GPR75: variants seen among roughly 807,000 people sequenced by gnomAD.
GPR75 encodes the protein probable G protein-coupled receptor 75.
GPR75 carries 27 observed loss-of-function variants against 26.0 expected under a neutral mutation model. The observed-to-expected ratio is 1.04, with a 90% CI of 0.77 to 1.43. The LOEUF (loss-of-function observed/expected upper bound fraction) is 1.43, where lower values mean the gene tolerates loss of function less well. Ranked by LOEUF, GPR75 falls within the 40% of genes most tolerant of loss-of-function variation. The pLI is 0.00. For synonymous variants in GPR75, 285 were observed against 256.3 expected, an observed-to-expected ratio of 1.11 and a Z score of -1.07; for missense variants, 699 against 662.3, an observed-to-expected ratio of 1.06 and a Z score of -0.61.
intron 1 of GPR75, among the ~76,000 whole-genome samples, chr2:53,857,271 A>C (rs1678257057): frequency 6.6e-6 from 1 of 152,144 alleles, no homozygotes; most frequent in Admixed American, 6.5e-5. Flanking sequence ...CCGGCCGAGA[A>C]AGACAATTTT....
chr2:53,858,402 GACACACACACACAC>G (rs61090357), intron 1 of GPR75, among the ~76,000 whole-genome samples: 25 of 145,036 alleles, frequency 1.7e-4, no homozygotes, highest in East Asian at 4.0e-4. Flanking sequence ...GATACAGATA[GACACACACACACAC>G]ACACACACAC....
rs34000641 is a variant in GPR75, at chr2:53,854,411, C to T, written c.346G>A (p.Ala116Thr). The change falls in exon 2 of 2, where the codon GCT (alanine) becomes ACT (threonine). Residue 116 changes from alanine to threonine, a missense_variant. Ala to Thr is a moderately conservative substitution (Grantham distance 58). Transcript: ENST00000394705. ...FFSSASSIPD[A>T]FCFTFHLTSS... Reference sequence around the variant, plus strand: ...GTGAGATGGAAAGTGAAGCAGAAAGCATCCGGGATACTACTGGCTGAGCTG... The same window carrying T: ...GTGAGATGGAAAGTGAAGCAGAAAGTATCCGGGATACTACTGGCTGAGCTG... 0.03 allele frequency: 48,906 copies of T among 1,613,910 alleles called. 894 individuals are homozygous for T. Among genetic ancestry groups the T allele is most frequent in the Middle Eastern group, 0.058 (352 of 6,062 alleles).
In GPR75 at chr2:53,853,759, C is replaced by T; in HGVS notation, c.998G>A (p.Cys333Tyr). ...CAAGGAAATCCCCAGTGGAAGACAG[C>T]ACACCAGGACTGACAGCACAATGAT... The part of the protein sequence containing the change: ...CVIIVLSVLV[C>Y]CLPLGISLVQ... Residue 333 changes from cysteine to tyrosine, a missense_variant, in exon 2 of 2, where the codon TGC (cysteine) becomes TAC (tyrosine). By Grantham distance (194) the Cys-to-Tyr change is radical. Transcript: ENST00000394705. 1 of 1,614,156 alleles carries T rather than the reference C, an allele frequency of 6.2e-7. No individual in the cohort carries two copies. The highest frequency in any genetic ancestry group is 8.5e-7 in the Non-Finnish European group (1 of 1,180,014).
At position 53,853,433 on chromosome 2, in the gene GPR75, C is replaced by T; in HGVS notation, c.1324G>A (p.Val442Met). Reference sequence around the variant, plus strand: ...TGACTTGGGCCACAAGCCTGGTCCACAAATTTCTTCTGTGGCTTTGGAGAT... The same window carrying T: ...TGACTTGGGCCACAAGCCTGGTCCATAAATTTCTTCTGTGGCTTTGGAGAT... ...MLSPKPQKKF[V>M]DQACGPSHSK... The change falls in exon 2 of 2, where the codon GTG (valine) becomes ATG (methionine). Residue 442 changes from valine to methionine, a missense_variant. Val to Met is a conservative substitution (Grantham distance 21). Transcript: ENST00000394705. 1 of 1,614,154 alleles carries T rather than the reference C, an allele frequency of 6.2e-7. No homozygotes were observed. The highest frequency in any genetic ancestry group is 8.5e-7 in the Non-Finnish European group (1 of 1,180,014).
At chr2:53,855,495 C>A (rs1473780463) in intron 1 of GPR75, among the ~76,000 whole-genome samples, 2 of 152,074 alleles carry the variant, frequency 1.3e-5, no homozygotes, top group African/African-American at 4.8e-5. Context: ...GTAATAATTA[C>A]AGCCTAATAA....
chr2:53,853,380 C>G lies in GPR75; in HGVS notation c.1377G>C (p.Lys459Asn). Residue 459 changes from lysine (K) to asparagine (N), a missense_variant, in exon 2 of 2, where the codon AAG becomes AAC. Lys to Asn is a moderately conservative substitution (Grantham distance 94). Transcript: ENST00000394705. ...SHSKESMVSP[K>N]ISAGHQHCGQ... ...CACAGTGTTGATGTCCAGCAGAGAT[C>G]TTGGGACTCACCATACTTTCTTTTG... 3 of 1,614,106 alleles carry G rather than the reference C, an allele frequency of 1.9e-6. No individual in the cohort carries two copies. Among genetic ancestry groups the G allele is most frequent in the South Asian group, 2.2e-5 (2 of 91,080 alleles).
intron 1 of GPR75, among the ~76,000 whole-genome samples, chr2:53,858,824 T>C (rs1248068127): frequency 6.6e-6 from 1 of 152,112 alleles, no homozygotes; most frequent in Non-Finnish European, 1.5e-5. Context: ...CTACTCTTCA[T>C]CTCTGGGACG....
chr2:53,855,659 G>A (rs1040184444), intron 1 of GPR75, among the ~76,000 whole-genome samples: 8 of 151,978 alleles, frequency 5.3e-5, no homozygotes, highest in African/African-American at 1.9e-4. Flanking sequence ...GAGAAGTGGG[G>A]GTAGGTCTTT....
At position 53,854,408 on chromosome 2, in the gene GPR75, A is replaced by G; in HGVS notation, c.349T>C (p.Phe117Leu). The change falls in exon 2 of 2, where the codon TTC becomes CTC. Residue 117 changes from phenylalanine (F) to leucine (L), a missense_variant. Physicochemically the swap from Phe to Leu is conservative, Grantham distance 22 (BLOSUM62 0). Coordinates refer to ENST00000394705, the MANE Select transcript of GPR75 (RefSeq NM_006794.4). Reference sequence around the variant, plus strand: ...CTGGTGAGATGGAAAGTGAAGCAGAAAGCATCCGGGATACTACTGGCTGAG... The same window carrying G: ...CTGGTGAGATGGAAAGTGAAGCAGAGAGCATCCGGGATACTACTGGCTGAG... ...FSSASSIPDA[F>L]CFTFHLTSSG... 1 of 1,614,110 alleles carries G rather than the reference A, an allele frequency of 6.2e-7. No individual in the cohort carries two copies. The highest frequency in any genetic ancestry group is 8.5e-7 in the Non-Finnish European group (1 of 1,179,984).
chr2:53,856,933 A>G (rs1573161271), intron 1 of GPR75, among the ~76,000 whole-genome samples: 1 of 149,358 alleles, frequency 6.7e-6, no homozygotes, highest in East Asian at 2.0e-4. Flanking sequence ...ATACCTATAT[A>G]ATGAGAAAGA....
In GPR75 at chr2:53,853,669, G is replaced by A; in HGVS notation, c.1088C>T (p.Thr363Ile). Residue 363 changes from threonine to isoleucine, a missense_variant, in exon 2 of 2, where the codon ACT (threonine) becomes ATT (isoleucine). By Grantham distance (89) the Thr-to-Ile change is moderately conservative (BLOSUM62 -1). Coordinates refer to ENST00000394705, the MANE Select transcript of GPR75 (RefSeq NM_006794.4). ...ILYQFELFGF[T>I]LIFFKSGLNP... ...TAATCCTGACTTGAAAAATATAAGA[G>A]TAAATCCAAACAATTCAAACTGGTA... 2 of 1,613,872 alleles carry A rather than the reference G, an allele frequency of 1.2e-6. No homozygotes were observed. Among genetic ancestry groups the A allele is most frequent in the Non-Finnish European group, 1.7e-6 (2 of 1,179,760 alleles).
chr2:53,859,723 C>G (rs1490482163), intron 1 of GPR75, 105 bp downstream of exon 1: 2 of 796,488 alleles, frequency 2.5e-6, no homozygotes, highest in Non-Finnish European at 3.8e-6. Context: ...TACGCGGAGC[C>G]GGGCCTGGCC....
At chr2:53,857,246 C>T (rs1213006781) in intron 1 of GPR75, among the ~76,000 whole-genome samples, 2 of 151,892 alleles carry the variant, frequency 1.3e-5, no homozygotes, top group Non-Finnish European at 2.9e-5. Context: ...GGATTACAGG[C>T]GTGAGCCACC....
intron 1 of GPR75, among the ~76,000 whole-genome samples, chr2:53,856,698 C>G (rs1678235149): frequency 6.6e-6 from 1 of 152,162 alleles, no homozygotes; most frequent in Admixed American, 6.5e-5. Flanking sequence ...AAAAAGATAA[C>G]TTAATCTATA....
Position 53,859,930 on chromosome 2 carries a change from G to A in GPR75, c.-212C>T, listed in dbSNP as rs1350410269. On this transcript the variant is annotated 5_prime_UTR_variant, in exon 1 of 2. Transcript: ENST00000394705. ...CAGGACTAGAGGCATCATCGCCATC[G>A]CCACCGCCTCCGCGCATCCCGGGAG... The A allele has an allele frequency of 2.7e-6, 4 of 1,502,062 alleles. No homozygotes were observed. Among genetic ancestry groups the A allele is most frequent in the East Asian group, 2.7e-5 (1 of 36,422 alleles). The allele number at this position is 1,502,062 out of a possible 1,614,324, so 93.0% of individuals were successfully genotyped here.
chr2:53,856,658 CAT>C (rs1414195358), intron 1 of GPR75, among the ~76,000 whole-genome samples: 1 of 152,224 alleles, frequency 6.6e-6, no homozygotes, highest in Non-Finnish European at 1.5e-5. Context: ...CTGGGAAATC[CAT>C]ATAATTGACT....
intron 1 of GPR75, among the ~76,000 whole-genome samples, chr2:53,855,845 A>G (rs945653466): frequency 1.4e-4 from 21 of 152,258 alleles, no homozygotes; most frequent in South Asian, 1.0e-3. Context: ...CCAGCTTGCA[A>G]TTTCTTGGCC....
intron 1 of GPR75, among the ~76,000 whole-genome samples, chr2:53,857,846 G>C (rs1019230046): frequency 6.6e-6 from 1 of 152,008 alleles, no homozygotes; most frequent in African/African-American, 2.4e-5. Context: ...CCAAAGTGCT[G>C]AGATTACAGG....
chr2:53,859,634 G>A (rs1003950271), intron 1 of GPR75, among the ~76,000 whole-genome samples, 194 bp downstream of exon 1: 3 of 145,814 alleles, frequency 2.1e-5, no homozygotes, highest in Non-Finnish European at 4.5e-5. Context: ...GGTGGGGGGG[G>A]TTCCACGGCC....
Sources: gnomAD v4.1 joint callset for allele counts (sites outside exome capture counted in the v4.1 genomes callset) on GRCh38, gnomAD v4.1.1 for gene constraint, MANE v1.5 for transcripts, NCBI Gene and HGNC (gene_info 2026-07-23, HGNC 2026-07-21) for gene names.